HJURP: variants seen among roughly 807,000 people sequenced by gnomAD.
HJURP encodes the protein 14-3-3-associated AKT substrate.
In HJURP, 49 loss-of-function variants were observed where a neutral mutation model predicts 72.0. The ratio of observed to expected loss-of-function variants is 0.68; its 90% CI spans 0.54 to 0.86. HJURP has a LOEUF of 0.86. Among genes scored for constraint, HJURP ranks in the 40% least tolerant of loss-of-function variants. The pLI, the probability that HJURP is intolerant of heterozygous loss-of-function variation, is 0.00. For synonymous variants in HJURP, 357 were observed against 347.1 expected, an observed-to-expected ratio of 1.03 and a Z score of -0.32; for missense variants, 908 against 936.3, an observed-to-expected ratio of 0.97 and a Z score of 0.39.
In HJURP at chr2:233,841,781, C is replaced by G; in HGVS notation, c.999G>C (p.Gly333=). 1 of 1,614,160 alleles carries G rather than the reference C, an allele frequency of 6.2e-7. No homozygotes were observed. Among genetic ancestry groups the G allele is most frequent in the Non-Finnish European group, 8.5e-7 (1 of 1,180,006 alleles). The part of the protein sequence containing the change: ...NFIPCSEPVK[G]TGALRDCKNV... ...TCTTGCAATCTCTTAATGCCCCTGT[C>G]CCTTTCACAGGCTCAGAGCAGGGTA... is the stretch of plus-strand genomic sequence containing the variant. The change falls in exon 8 of 9, where the codon GGG becomes GGC. Residue 333 remains glycine, a synonymous_variant. Transcript: ENST00000411486.
At chr2:233,837,691 A>G (rs368281106) in intron 8 of HJURP, 39 bp from the exon 9 acceptor site, 317 of 1,333,578 alleles carry the variant, frequency 2.4e-4, no homozygotes, top group Non-Finnish European at 1.2e-4. Flanking sequence ...ATGTTAGCAA[A>G]ATTCTAGAAT....
At position 233,837,414 on chromosome 2, in the gene HJURP, A is replaced by G; in HGVS notation, c.*163T>C. 1 of 597,392 alleles carries G rather than the reference A, an allele frequency of 1.7e-6. No homozygotes were observed. The highest frequency in any genetic ancestry group is 2.9e-6 in the Non-Finnish European group (1 of 339,312). The allele number at this position is 597,392 out of a possible 1,614,324, so 37.0% of individuals were successfully genotyped here. A position where few individuals can be genotyped will look rare whatever the true frequency, so the allele number is the denominator to read the frequency against. On this transcript the variant is annotated 3_prime_UTR_variant, in exon 9 of 9. Coordinates refer to ENST00000411486, the MANE Select transcript of HJURP (RefSeq NM_018410.5). ...GAGCAACTTTATTCACATAATTTCT[A>G]CACCAAGAACTCGAGGTTATCTCTG...
chr2:233,842,317 C>A, intron 7 of HJURP, 112 bp from the exon 8 acceptor site: 1 of 794,614 alleles, frequency 1.3e-6, no homozygotes. Context: ...TAAGCAATAG[C>A]AAAAACAAAA....
At chr2:233,851,475 G>A (rs1177487492) in intron 3 of HJURP, among the ~76,000 whole-genome samples, 3 of 152,086 alleles carry the variant, frequency 2.0e-5, no homozygotes, top group Non-Finnish European at 4.4e-5. Context: ...GTATCATCCG[G>A]CCCTTTGTGG....
rs1209080945 is a variant in HJURP, at chr2:233,854,462, C to G, written c.39G>C (p.Val13=). ...GCTTCTGCAGCAGCTGGTCGTCTTC[C>G]ACGTCCTCGCCCTCCATGGCGCGCA... The part of the protein sequence containing the change: ...GTLRAMEGED[V]EDDQLLQKLR... The change falls in exon 1 of 9, where the codon GTG becomes GTC. Residue 13 remains valine, a synonymous_variant. Transcript: ENST00000411486. 2 of 1,612,820 alleles carry G rather than the reference C, an allele frequency of 1.2e-6. No individual in the cohort carries two copies. The highest frequency in any genetic ancestry group is 1.7e-4 in the Middle Eastern group (1 of 6,058).
chr2:233,842,130 G>C lies in HJURP; in HGVS notation c.650C>G (p.Pro217Arg). ...CATGTCTGTGGAGGAAGGATGCAAA[G>C]GATCCCATTCTCTGGGAGATGAAGC... is the stretch of plus-strand genomic sequence containing the variant. ...KPASSPREWD[P>R]LHPSSTDMAL... The change falls in exon 8 of 9, where the codon CCT becomes CGT. Residue 217 changes from proline (P) to arginine (R), a missense_variant. This residue lies in a region of HJURP where 299 missense variants were observed against 286.7 expected (regional missense o/e 1.04). Transcript: ENST00000411486. 5 of 1,614,088 alleles carry C rather than the reference G, an allele frequency of 3.1e-6. No homozygotes were observed. The highest frequency in any genetic ancestry group is 2.5e-6 in the Non-Finnish European group (3 of 1,179,926).
At chr2:233,852,012 C>T (rs1428070921) in intron 3 of HJURP, among the ~76,000 whole-genome samples, 1 of 152,206 alleles carries the variant, frequency 6.6e-6, no homozygotes, top group Non-Finnish European at 1.5e-5. Flanking sequence ...CCAACAGCAC[C>T]TTCCACTAAA....
In HJURP at chr2:233,840,774, G is replaced by A. The variant is rs1287169579; in HGVS notation, c.2006C>T (p.Thr669Met). The A allele has an allele frequency of 7.4e-6, 12 of 1,613,566 alleles. No homozygotes were observed. Among genetic ancestry groups the A allele is most frequent in the Admixed American group, 3.3e-5 (2 of 59,852 alleles). The change falls in exon 8 of 9, where the codon ACG becomes ATG. Residue 669 changes from threonine (T) to methionine (M), a missense_variant. Thr to Met is a moderately conservative substitution (Grantham distance 81). Around this residue, in one of 3 missense-constraint regions of HJURP, gnomAD observed 598 missense variants for 619.5 expected, o/e 0.97. Transcript: ENST00000411486. ...CTGATGGTCCCTCGTGCCATCCCTC[G>A]TGATGGCACGAGCAACACATGTAGA... ...PSSTCVARAI[T>M]RDGTRDHQFP... is the part of the protein sequence containing the mutation.
At position 233,846,507 on chromosome 2, in the gene HJURP, ACC is replaced by A. The variant is rs965926298; in HGVS notation, c.403-689_403-688del. Among the ~76,000 whole-genome samples, 1 of 151,968 alleles carries A rather than the reference ACC, an allele frequency of 6.6e-6. No homozygotes were observed. The highest frequency in any genetic ancestry group is 6.6e-5 in the Admixed American group (1 of 15,258). On this transcript the variant is annotated intron_variant, in intron 5 of 8. Coordinates refer to ENST00000411486, the MANE Select transcript of HJURP (RefSeq NM_018410.5). This position sits in a 1 kb window ranked among gnomAD's most constrained non-coding sequence, Gnocchi z 4.3. ...GTGCTCCAGCTCAGGAGGCTCTCCT[ACC>A]CCTCCCCTGCTAGACACTGGAAATA...
At chr2:233,847,544 C>T (rs969916150) in intron 4 of HJURP, 83 bp from the exon 5 acceptor site, 21 of 1,154,102 alleles carry the variant, frequency 1.8e-5, no homozygotes, top group Middle Eastern at 1.9e-4. Flanking sequence ...GGCATCACTT[C>T]GAGTAAGTTG....
rs1705454603 is a variant in HJURP at position 233,849,759 on chromosome 2, T to C, written c.337+4A>G. 4.5e-6 allele frequency: 7 copies of C among 1,547,940 alleles called. No homozygotes were observed. Among genetic ancestry groups the C allele is most frequent in the Non-Finnish European group, 5.2e-6 (6 of 1,144,612 alleles). ...TTCAGTTCTCTGACGAAGGCAACAC[T>C]CACCGGCTCCCAGGACTGTGCGGTG... On this transcript the variant is annotated splice_donor_region_variant and intron_variant, in intron 4 of 8. Transcript: ENST00000411486.
At chr2:233,847,260 T>C (rs1183149826) in intron 5 of HJURP, 137 bp downstream of exon 5, 23 of 678,688 alleles carry the variant, frequency 3.4e-5, no homozygotes, top group Admixed American at 4.9e-5. Context: ...GACTTGGAAG[T>C]AGCAAAAGCC....
intron 8 of HJURP, among the ~76,000 whole-genome samples, chr2:233,838,498 G>T (rs1378267377): frequency 6.6e-6 from 1 of 152,138 alleles, no homozygotes; most frequent in African/African-American, 2.4e-5. Flanking sequence ...CGACTGGCAC[G>T]GTGCCAGATC....
intron 3 of HJURP, among the ~76,000 whole-genome samples, chr2:233,851,967 TG>T (rs1344850978): frequency 6.6e-6 from 1 of 152,082 alleles, no homozygotes; most frequent in Non-Finnish European, 1.5e-5. Context: ...AAAGCCACTG[TG>T]GCAAAAGGGC....
Position 233,837,585 on chromosome 2 carries a change from T to G in HJURP, c.2239A>C (p.Ser747Arg). The change falls in exon 9 of 9, where the codon AGT (serine) becomes CGT (arginine). Residue 747 changes from serine to arginine, a missense_variant. Coordinates refer to ENST00000411486, the MANE Select transcript of HJURP (RefSeq NM_018410.5). ...ACTCCGAAATAACCTAGCTACACAC[T>G]TTTAGTTTCCAATTTTTCTAGCATG... The part of the protein sequence containing the change: ...DFMLEKLETK[S>R]V 1 of 1,604,852 alleles carries G rather than the reference T, an allele frequency of 6.2e-7. No individual in the cohort carries two copies. Among genetic ancestry groups the G allele is most frequent in the Non-Finnish European group, 8.5e-7 (1 of 1,172,072 alleles).
At chr2:233,847,621 T>G (rs759686055) in intron 4 of HJURP, among the ~76,000 whole-genome samples, 160 bp from the exon 5 acceptor site, 1 of 152,208 alleles carries the variant, frequency 6.6e-6, no homozygotes, top group Non-Finnish European at 1.5e-5. Context: ...CCCGTGGTTC[T>G]TAGTAACCCA....
Position 233,841,631 on chromosome 2 carries a change from C to T in HJURP, c.1149G>A (p.Lys383=), listed in dbSNP as rs1705233076. ...AGTCGAAGTAAATCAAGGAAGAATACTTCGAGGGTGTCACTTTGCGCTCCT... is the reference window on the plus strand; with the variant it reads ...AGTCGAAGTAAATCAAGGAAGAATATTTCGAGGGTGTCACTTTGCGCTCCT... ...SWKERKVTPS[K]YSSLIYFDSS... Residue 383 remains lysine, a synonymous_variant, in exon 8 of 9, where the codon AAG becomes AAA. Coordinates refer to ENST00000411486, the MANE Select transcript of HJURP (RefSeq NM_018410.5). 1 of 1,614,174 alleles carries T rather than the reference C, an allele frequency of 6.2e-7. No homozygotes were observed. Among genetic ancestry groups the T allele is most frequent in the Non-Finnish European group, 8.5e-7 (1 of 1,180,014 alleles).
chr2:233,852,274 T>C (rs1165898471), intron 3 of HJURP, among the ~76,000 whole-genome samples: 2 of 151,958 alleles, frequency 1.3e-5, no homozygotes, highest in Non-Finnish European at 2.9e-5. Context: ...TTGGGGAGGG[T>C]TACCCAACTG....
Position 233,836,770 on chromosome 2 carries a change from A to G in HJURP, c.*807T>C, listed in dbSNP as rs1293884406. The G allele has an allele frequency of 6.6e-6, 1 of 152,222 alleles. No individual in the cohort carries two copies. The highest frequency in any genetic ancestry group is 1.5e-5 in the Non-Finnish European group (1 of 68,036). The allele number at this position is 152,222 out of a possible 1,614,324, so 9.4% of individuals were successfully genotyped here. On this transcript the variant is annotated 3_prime_UTR_variant, in exon 9 of 9. Transcript: ENST00000411486. ...GTATTCTGAATATGTGAAATATTTC[A>G]TTACAAAAACGTCACCATGATATCC...
Sources: allele counts gnomAD v4.1 joint callset (sites outside exome capture counted in the v4.1 genomes callset), GRCh38; gene constraint gnomAD v4.1.1; regional missense constraint gnomAD v4.1.1; non-coding constraint Gnocchi (gnomAD v3.1); transcripts MANE v1.5; gene names NCBI Gene and HGNC (gene_info 2026-07-23, HGNC 2026-07-21).